MPND: variants seen among roughly 807,000 people sequenced by gnomAD.
MPND encodes MPN domain-containing protein.
MPND carries 56 observed loss-of-function variants against 59.2 expected under a neutral mutation model. That is an observed-to-expected ratio of 0.95 (90% CI 0.76 to 1.18). The LOEUF is 1.18. MPND is among the 50% of genes most tolerant of loss of function. The pLI, the probability that MPND is intolerant of heterozygous loss-of-function variation, is 0.00. For synonymous variants in MPND, 323 were observed against 291.9 expected, an observed-to-expected ratio of 1.11 and a Z score of -1.09; for missense variants, 671 against 676.0, an observed-to-expected ratio of 0.99 and a Z score of 0.08.
intron 2 of MPND, among the ~76,000 whole-genome samples, chr19:4,345,086 T>C (rs1216831102): frequency 7.1e-6 from 1 of 141,628 alleles, no homozygotes; most frequent in Non-Finnish European, 1.5e-5. Context: ...CTCGCGCTGT[T>C]GCCCAGGCTG....
At chr19:4,352,464 C>G (rs750076668) in intron 3 of MPND, among the ~76,000 whole-genome samples, 1 of 152,182 alleles carries the variant, frequency 6.6e-6, no homozygotes, top group Non-Finnish European at 1.5e-5. Context: ...GTGGGTGGAT[C>G]ACCTGAGGTC....
At chr19:4,354,291 C>T in intron 5 of MPND, 33 bp from the exon 6 acceptor site, 1 of 1,542,368 alleles carries the variant, frequency 6.5e-7, no homozygotes, top group South Asian at 1.2e-5. Flanking sequence ...CCTGGGGATT[C>T]CTGAGACTGT....
intron 8 of MPND, 200 bp from the exon 9 acceptor site, chr19:4,357,051 CTT>C: frequency 2.2e-6 from 1 of 453,838 alleles, no homozygotes; most frequent in Non-Finnish European, 3.8e-6. Context: ...CAGGGTGCAT[CTT>C]TTATATTAAA....
At chr19:4,353,948 C>T in intron 4 of MPND, 97 bp from the exon 5 acceptor site, 1 of 1,032,140 alleles carries the variant, frequency 9.7e-7, no homozygotes, top group South Asian at 1.4e-5. Flanking sequence ...CCTGCTTCAG[C>T]ACTGGGATTA....
At chr19:4,358,711 C>G (rs576159840) in intron 11 of MPND, among the ~76,000 whole-genome samples, 1 of 152,106 alleles carries the variant, frequency 6.6e-6, no homozygotes, top group Admixed American at 6.5e-5. Flanking sequence ...CTCTTGAACC[C>G]GGGAGGTGGA....
At chr19:4,351,523 G>C (rs1239621076) in intron 3 of MPND, among the ~76,000 whole-genome samples, 4 of 152,184 alleles carry the variant, frequency 2.6e-5, no homozygotes, top group Admixed American at 2.0e-4. Context: ...TCACCCTGAT[G>C]CCATCCCCGT....
Position 4,355,116 on chromosome 19 carries a change from C to T in MPND, c.939C>T (p.Ala313=), listed in dbSNP as rs370388121. The change falls in exon 8 of 13, where the codon GCC becomes GCT. Residue 313 remains alanine, a synonymous_variant. Transcript: ENST00000599840. ...VNSQMLTVLR[A]FPCRSRLGDA... The stretch of plus-strand genomic sequence containing the variant: ...CCACAGTGCTGACGGTGCTCAGAGC[C>T]TTCCCTTGTCGGAGCCGGCTCGGGG... The T allele has an allele frequency of 1.9e-6, 3 of 1,613,778 alleles. No individual in the cohort carries two copies. Among genetic ancestry groups the T allele is most frequent in the Non-Finnish European group, 2.5e-6 (3 of 1,180,018 alleles).
At chr19:4,357,640 G>T in intron 10 of MPND, 55 bp downstream of exon 10, 1 of 1,537,764 alleles carries the variant, frequency 6.5e-7, no homozygotes, top group Non-Finnish European at 8.8e-7. Context: ...GGGCATTTGG[G>T]TCACGACTAG....
intron 10 of MPND, 21 bp from the exon 11 acceptor site, chr19:4,358,062 A>G: frequency 1.3e-6 from 2 of 1,547,794 alleles, no homozygotes; most frequent in Non-Finnish European, 1.7e-6. Context: ...GGCTTCTCTC[A>G]CTGGTCTGTG....
chr19:4,346,575 C>G (rs995256316), intron 3 of MPND, among the ~76,000 whole-genome samples: 3 of 151,976 alleles, frequency 2.0e-5, no homozygotes, highest in African/African-American at 4.8e-5. Flanking sequence ...TGCCACCACA[C>G]CCGGCTAATT....
In MPND at chr19:4,345,653, G is replaced by A. The variant is rs1056234571; in HGVS notation, c.295-92G>A. ...GTTCCTGGAAGCCCTGTAAAGACAT[G>A]CCTGAGGGAGCGTAGGTCTGGGGAG... On this transcript the variant is annotated intron_variant, in intron 2 of 12. Transcript: ENST00000599840. The A allele has an allele frequency of 5.4e-5, 65 of 1,200,162 alleles. No homozygotes were observed. The South Asian group carries it at 6.5e-4, about 12-fold the overall frequency. The allele number at this position is 1,200,162 out of a possible 1,614,324, so 74.3% of individuals were successfully genotyped here. A position where few individuals can be genotyped will look rare whatever the true frequency, so the allele number is the denominator to read the frequency against.
Position 4,343,685 on chromosome 19 carries a change from C to G in MPND, c.8-23C>G, listed in dbSNP as rs980653516. The G allele has an allele frequency of 5.4e-6, 6 of 1,102,530 alleles. No homozygotes were observed. The African/African-American group carries it at 8.6e-5, about 16-fold the overall frequency. The allele number at this position is 1,102,530 out of a possible 1,614,324, so 68.3% of individuals were successfully genotyped here. ...CAGAGCCGTGGGGCGAGCGGCCTCC[C>G]TGCAGCCTCTCGCTGTCCGCAGCTC... On this transcript the variant is annotated intron_variant, in intron 1 of 12. Coordinates refer to ENST00000599840, the MANE Select transcript of MPND (RefSeq NM_001300862.2).
rs751738605 is a variant in MPND at position 4,355,063 on chromosome 19, G to A, written c.920-34G>A. On this transcript the variant is annotated intron_variant, in intron 7 of 12. Transcript: ENST00000599840. The stretch of plus-strand genomic sequence containing the variant: ...AGGTGGGCGGGGGCGTTGGAGGACC[G>A]GGGTCACGGGGTCACAGCTGCCCCT... 31 of 1,612,298 alleles carry A rather than the reference G, an allele frequency of 1.9e-5. No individual in the cohort carries two copies. The East Asian group carries it at 4.0e-4, about 21-fold the overall frequency.
At position 4,343,780 on chromosome 19, in the gene MPND, C is replaced by A. The variant is rs1972122539; in HGVS notation, c.80C>A (p.Ala27Asp). 8.3e-7 allele frequency: 1 copy of A among 1,209,682 alleles called. No homozygotes were observed. The highest frequency in any genetic ancestry group is 1.6e-5 in the African/African-American group (1 of 63,174). 74.9% of individuals were successfully genotyped at this position (1,209,682 alleles called of 1,614,324 possible). ...APEEDEDEAEAEDPERPNAGA... is the reference protein window; with the variant it reads ...APEEDEDEAEDEDPERPNAGA... ...GAGGAGGACGAGGACGAAGCGGAGG[C>A]CGAGGACCCTGAGCGGCCGAATGCG... Residue 27 changes from alanine to aspartate, a missense_variant, in exon 2 of 13, where the codon GCC (alanine) becomes GAC (aspartate). By Grantham distance (126) the Ala-to-Asp change is moderately radical (BLOSUM62 -2). Transcript: ENST00000599840.
chr19:4,354,135 A>G lies in MPND; in HGVS notation c.749+6A>G. The G allele has an allele frequency of 1.2e-5, 19 of 1,608,006 alleles. No individual in the cohort carries two copies. Among genetic ancestry groups the G allele is most frequent in the Non-Finnish European group, 1.5e-5 (18 of 1,175,316 alleles). On this transcript the variant is annotated splice_donor_region_variant and intron_variant, in intron 5 of 12. Coordinates refer to ENST00000599840, the MANE Select transcript of MPND (RefSeq NM_001300862.2). Reference sequence around the variant, plus strand: ...GGCAGCCGCGACTTGGCCAGGTCAGACTCACCCCAAGTTCTGCCCCTGCCC... The same window carrying G: ...GGCAGCCGCGACTTGGCCAGGTCAGGCTCACCCCAAGTTCTGCCCCTGCCC...
At chr19:4,357,658 C>T in intron 10 of MPND, 73 bp downstream of exon 10, 3 of 1,442,536 alleles carry the variant, frequency 2.1e-6, no homozygotes, top group Non-Finnish European at 2.8e-6. Flanking sequence ...TAGGCAGGGG[C>T]CCCTGGTTCC....
rs565733924 is a variant in MPND, at chr19:4,343,570, C to T, written c.-24C>T. On this transcript the variant is annotated 5_prime_UTR_variant, in exon 1 of 13. Transcript: ENST00000599840. The stretch of plus-strand genomic sequence containing the variant: ...CGTGCCGGGAAGCCGGAGTCTAGAG[C>T]TCCGGGCGCGGGGAGGCGCGGCCAT... The T allele has an allele frequency of 1.6e-6, 2 of 1,221,852 alleles. No individual in the cohort carries two copies. The highest frequency in any genetic ancestry group is 4.3e-5 in the Admixed American group (1 of 23,302). 75.7% of individuals were successfully genotyped at this position (1,221,852 alleles called of 1,614,324 possible).
chr19:4,350,776 G>T (rs777518324), intron 3 of MPND, among the ~76,000 whole-genome samples: 1 of 152,068 alleles, frequency 6.6e-6, no homozygotes, highest in East Asian at 1.9e-4. Flanking sequence ...GTCTGGAGCC[G>T]GGCGAGGCTT....
chr19:4,354,151 G>A (rs755499894), intron 5 of MPND, 22 bp downstream of exon 5: 2 of 1,599,286 alleles, frequency 1.3e-6, no homozygotes, highest in Admixed American at 1.7e-5. Flanking sequence ...CCCAAGTTCT[G>A]CCCCTGCCCC....
Sources: gnomAD v4.1 joint callset for allele counts (sites outside exome capture counted in the v4.1 genomes callset) on GRCh38, gnomAD v4.1.1 for gene constraint, MANE v1.5 for transcripts, NCBI Gene and HGNC (gene_info 2026-07-23, HGNC 2026-07-21) for gene names.